Variants in TBC1D5 observed in about 807,000 individuals in gnomAD.
TBC1D5 encodes TBC1 domain family, member 5.
Under a neutral mutation model 100.3 loss-of-function variants are expected in TBC1D5, and 75 were observed. That is an observed-to-expected ratio of 0.75 (90% CI 0.62 to 0.91). TBC1D5 has a LOEUF of 0.91. TBC1D5 is among the 40% of genes least tolerant of loss of function. TBC1D5 has a pLI of 0.00. For synonymous variants in TBC1D5, 323 were observed against 325.6 expected, an observed-to-expected ratio of 0.99 and a Z score of 0.09; for missense variants, 910 against 942.4, an observed-to-expected ratio of 0.97 and a Z score of 0.45.
intron 2 of TBC1D5, among the ~76,000 whole-genome samples, chr3:17,513,315 G>A (rs901745963): frequency 1.3e-5 from 2 of 150,118 alleles, no homozygotes; most frequent in Non-Finnish European, 3.0e-5. Flanking sequence ...CTGGGCGACA[G>A]AGCAAGACTC....
intron 1 of TBC1D5, among the ~76,000 whole-genome samples, chr3:17,711,311 G>C (rs904613500): frequency 6.6e-6 from 1 of 152,020 alleles, no homozygotes; most frequent in Non-Finnish European, 1.5e-5. Flanking sequence ...TGAAGTACTT[G>C]ATACATGCAA....
At chr3:17,211,093 T>C (rs2072926016) in intron 18 of TBC1D5, among the ~76,000 whole-genome samples, 1 of 152,268 alleles carries the variant, frequency 6.6e-6, no homozygotes, top group African/African-American at 2.4e-5. Context: ...TCTTTCATTA[T>C]CAAATCCTCT....
chr3:17,183,966 T>G (rs1240570408), intron 19 of TBC1D5, among the ~76,000 whole-genome samples: 1 of 152,210 alleles, frequency 6.6e-6, no homozygotes, highest in Non-Finnish European at 1.5e-5. Context: ...AGCAGCACAT[T>G]GGCCATTTCC....
At chr3:17,608,181 T>C (rs1473848614) in intron 2 of TBC1D5, among the ~76,000 whole-genome samples, 1 of 152,028 alleles carries the variant, frequency 6.6e-6, no homozygotes, top group Non-Finnish European at 1.5e-5. Context: ...CGCTTGAACC[T>C]GGGAGGTAGA....
At chr3:17,681,810 G>T (rs1051697157) in intron 1 of TBC1D5, among the ~76,000 whole-genome samples, 2 of 151,574 alleles carry the variant, frequency 1.3e-5, no homozygotes, top group African/African-American at 4.9e-5. Context: ...AGAAGTGAGT[G>T]GCAGACCAGC....
intron 1 of TBC1D5, among the ~76,000 whole-genome samples, chr3:17,675,396 T>C (rs1051630937): frequency 1.3e-5 from 2 of 152,132 alleles, no homozygotes; most frequent in Non-Finnish European, 2.9e-5. Flanking sequence ...TAACTGATCA[T>C]ATACAGTTTC....
intron 2 of TBC1D5, among the ~76,000 whole-genome samples, chr3:17,573,567 TC>T (rs1382133819): frequency 2.0e-5 from 3 of 152,126 alleles, no homozygotes; most frequent in African/African-American, 7.2e-5. Flanking sequence ...CTATAGGCTT[TC>T]TATTTATAGC....
intron 15 of TBC1D5, among the ~76,000 whole-genome samples, chr3:17,275,058 A>G (rs1386774657): frequency 6.6e-6 from 1 of 152,228 alleles, no homozygotes; most frequent in African/African-American, 2.4e-5. Context: ...GAGTAAAAAG[A>G]TGTTAAAGTG....
chr3:17,611,940 C>T (rs2061699898), intron 2 of TBC1D5, among the ~76,000 whole-genome samples: 1 of 152,120 alleles, frequency 6.6e-6, no homozygotes, highest in Non-Finnish European at 1.5e-5. Context: ...ATGCCCAATA[C>T]TACTCTATTC....
At chr3:17,167,813 A>G (rs759978435) in exon 20 of TBC1D5, 1 of 1,605,916 alleles carries the variant, frequency 6.2e-7, no homozygotes, top group Admixed American at 1.7e-5. Context: ...TTGTAATATC[A>G]CATCTTGAAT....
chr3:17,527,304 C>CTGAAAGAAGAGCA (rs2096150247), intron 2 of TBC1D5, among the ~76,000 whole-genome samples: 1 of 152,110 alleles, frequency 6.6e-6, no homozygotes, highest in African/African-American at 2.4e-5. Context: ...ACATGATAAC[C>CTGAAAGAAGAGCA]TGAAAGAAGA....
At chr3:17,716,470 C>A (rs1037563534) in intron 1 of TBC1D5, among the ~76,000 whole-genome samples, 2 of 152,098 alleles carry the variant, frequency 1.3e-5, no homozygotes, top group South Asian at 4.2e-4. Flanking sequence ...TAAAGACCTC[C>A]TGTCAGCGAC....
intron 2 of TBC1D5, among the ~76,000 whole-genome samples, chr3:17,557,119 T>A (rs1262567770): frequency 6.6e-6 from 1 of 152,230 alleles, no homozygotes; most frequent in Non-Finnish European, 1.5e-5. Context: ...AACCGATTGG[T>A]CAAGGAGCTG....
At chr3:17,428,064 G>A (rs1367211122) in intron 4 of TBC1D5, among the ~76,000 whole-genome samples, 2 of 151,648 alleles carry the variant, frequency 1.3e-5, no homozygotes, top group African/African-American at 2.4e-5. Flanking sequence ...GCTCATGAGC[G>A]GTACTATATT....
chr3:17,613,728 T>C (rs913170756), intron 2 of TBC1D5, among the ~76,000 whole-genome samples: 1 of 152,100 alleles, frequency 6.6e-6, no homozygotes, highest in South Asian at 2.1e-4. Flanking sequence ...CTTTTTGATT[T>C]GGTTGTTTGG....
chr3:17,735,214 G>A (rs2076868635), intron 1 of TBC1D5, among the ~76,000 whole-genome samples: 1 of 152,300 alleles, frequency 6.6e-6, no homozygotes, highest in East Asian at 1.9e-4. Context: ...CTATAATAGT[G>A]TTCAACGTAG....
intron 1 of TBC1D5, among the ~76,000 whole-genome samples, chr3:17,667,249 C>CT (rs1278445090): frequency 6.6e-6 from 1 of 152,082 alleles, no homozygotes; most frequent in Admixed American, 6.5e-5. Context: ...CTTCGAGCAA[C>CT]TGAACTAACC....
intron 1 of TBC1D5, among the ~76,000 whole-genome samples, chr3:17,695,694 C>T (rs1463572753): frequency 2.0e-5 from 3 of 152,144 alleles, no homozygotes; most frequent in Non-Finnish European, 4.4e-5. Flanking sequence ...ATCAACAAGA[C>T]AGAAGGTTAA....
chr3:17,688,490 G>T (rs1472694679), intron 1 of TBC1D5, among the ~76,000 whole-genome samples: 1 of 152,192 alleles, frequency 6.6e-6, no homozygotes, highest in African/African-American at 2.4e-5. Context: ...TTAGAAAAGT[G>T]GTTAGGTTCA....
Sources: allele counts gnomAD v4.1 joint callset (sites outside exome capture counted in the v4.1 genomes callset), GRCh38; gene constraint gnomAD v4.1.1; transcripts MANE v1.5; gene names NCBI Gene and HGNC (gene_info 2026-07-23, HGNC 2026-07-21).